RNF130: variants seen among roughly 807,000 people sequenced by gnomAD.
RNF130 encodes E3 ubiquitin-protein ligase RNF130.
Under a neutral mutation model 44.6 loss-of-function variants are expected in RNF130, and 21 were observed. The observed-to-expected ratio is 0.47, with a 90% CI of 0.33 to 0.68. The LOEUF is 0.68. Among genes scored for constraint, RNF130 ranks in the 30% least tolerant of loss-of-function variants. The probability of loss-of-function intolerance (pLI) is 0.02; values close to 1 mark genes in which losing one functional copy is unlikely to be tolerated. For synonymous variants in RNF130, 214 were observed against 210.4 expected, an observed-to-expected ratio of 1.02 and a Z score of -0.15; for missense variants, 479 against 560.6, an observed-to-expected ratio of 0.85 and a Z score of 1.47.
At chr5:179,963,009 T>C (rs996613610) in intron 8 of RNF130, among the ~76,000 whole-genome samples, 4 of 152,240 alleles carry the variant, frequency 2.6e-5, no homozygotes, top group African/African-American at 4.8e-5. Flanking sequence ...TCAAACTGCT[T>C]CTTTCCTGCA....
intron 7 of RNF130, among the ~76,000 whole-genome samples, chr5:179,927,212 A>AT (rs1258260658): frequency 9.2e-5 from 14 of 152,224 alleles, no homozygotes; most frequent in African/African-American, 3.4e-4. Context: ...AAACAGAGGA[A>AT]TGCACAAGCA....
chr5:179,923,860 G>GTA (rs1330403297), intron 7 of RNF130, among the ~76,000 whole-genome samples: 1 of 152,094 alleles, frequency 6.6e-6, no homozygotes, highest in African/African-American at 2.4e-5. Context: ...CTTGATTACT[G>GTA]TAGCTTTACA....
At chr5:179,953,859 A>G (rs1762162450), downstream of RNF130, among the ~76,000 whole-genome samples, 1 of 152,228 alleles carries the variant, frequency 6.6e-6, no homozygotes, top group African/African-American at 2.4e-5. Context: ...CAAATGACCT[A>G]TCTGATAAAG....
intron 7 of RNF130, among the ~76,000 whole-genome samples, chr5:179,931,032 CAAAAAAAAA>C (rs34266288): frequency 1.3e-5 from 1 of 74,302 alleles, no homozygotes; most frequent in African/African-American, 5.4e-5. Context: ...ACCTCTGTCT[CAAAAAAAAA>C]AAAAAAAAAA....
chr5:180,018,696 T>G (rs1021868233), intron 2 of RNF130, among the ~76,000 whole-genome samples: 7 of 152,248 alleles, frequency 4.6e-5, no homozygotes, highest in Non-Finnish European at 1.0e-4. Context: ...GATTTTTGGA[T>G]GCCCATTCTC....
At chr5:179,924,137 G>C (rs1369520227) in intron 7 of RNF130, among the ~76,000 whole-genome samples, 3 of 152,042 alleles carry the variant, frequency 2.0e-5, no homozygotes, top group African/African-American at 7.2e-5. Flanking sequence ...TTGAGCCCGG[G>C]AGTTCAAGTC....
intron 3 of RNF130, among the ~76,000 whole-genome samples, chr5:179,982,865 T>A (rs1321414340): frequency 3.9e-5 from 6 of 152,246 alleles, no homozygotes; most frequent in Non-Finnish European, 2.9e-5. Context: ...ATTACAGGTG[T>A]GAGCCACGGC....
At chr5:179,934,932 T>C (rs1270132645) in intron 7 of RNF130, among the ~76,000 whole-genome samples, 1 of 152,228 alleles carries the variant, frequency 6.6e-6, no homozygotes, top group Non-Finnish European at 1.5e-5. Flanking sequence ...ATTTAGTTTG[T>C]TGTTCTTTGA....
At chr5:180,044,055 G>C (rs1285178003) in intron 1 of RNF130, among the ~76,000 whole-genome samples, 1 of 152,100 alleles carries the variant, frequency 6.6e-6, no homozygotes, top group Admixed American at 6.5e-5. Flanking sequence ...TAATTAAGTA[G>C]TATTACTCCA....
At chr5:180,055,489 T>C (rs1764798250) in intron 1 of RNF130, among the ~76,000 whole-genome samples, 1 of 151,964 alleles carries the variant, frequency 6.6e-6, no homozygotes, top group Non-Finnish European at 1.5e-5. Context: ...CACGCGTATG[T>C]GTCTGTGTGT....
At chr5:179,988,515 T>C (rs551429612) in intron 3 of RNF130, among the ~76,000 whole-genome samples, 1 of 152,352 alleles carries the variant, frequency 6.6e-6, no homozygotes, top group Admixed American at 6.5e-5. Context: ...ATATTTCTAA[T>C]TGTCTGATTT....
chr5:179,963,460 T>C lies in RNF130; in HGVS notation c.1244+11A>G, dbSNP rs753630722. On this transcript the variant is annotated intron_variant, in intron 8 of 8. Coordinates refer to ENST00000521389, the MANE Select transcript of RNF130 (RefSeq NM_018434.6). The stretch of plus-strand genomic sequence containing the variant: ...CTGGCACATGCAATCCAAAAACAAT[T>C]TGTTACTTACTCATTAGCATTCAAG... 1.2e-6 allele frequency: 2 copies of C among 1,606,918 alleles called. No homozygotes were observed. The highest frequency in any genetic ancestry group is 1.7e-6 in the Non-Finnish European group (2 of 1,174,090).
At chr5:180,061,535 C>A (rs1165637258) in intron 1 of RNF130, among the ~76,000 whole-genome samples, 1 of 152,176 alleles carries the variant, frequency 6.6e-6, no homozygotes, top group East Asian at 1.9e-4. Flanking sequence ...AAGGGAAAAA[C>A]CACCTCCAGC....
chr5:179,972,471 G>A (rs951683510), intron 5 of RNF130, among the ~76,000 whole-genome samples: 2 of 152,200 alleles, frequency 1.3e-5, no homozygotes, highest in Non-Finnish European at 2.9e-5. Context: ...GACATATGAT[G>A]CTGTGACCTC....
At chr5:180,026,460 G>A (rs879537838) in intron 2 of RNF130, among the ~76,000 whole-genome samples, 3 of 152,100 alleles carry the variant, frequency 2.0e-5, no homozygotes, top group East Asian at 1.9e-4. Context: ...CCACAGATCC[G>A]CTAACTACAT....
rs1026473109 is a variant in RNF130 at position 179,982,046 on chromosome 5, C to A, written c.694-1846G>T. Among the ~76,000 whole-genome samples, 4 of 152,028 alleles carry A rather than the reference C, an allele frequency of 2.6e-5. No homozygotes were observed. The East Asian group carries it at 7.7e-4, about 29-fold the overall frequency. On this transcript the variant is annotated intron_variant, in intron 3 of 8. Transcript: ENST00000521389. ...CCACATCCCCAAACTTCTTTGTGCC[C>A]CTTCCTAATTCCCTCCTCCCGCCAC... is the stretch of plus-strand genomic sequence containing the variant.
chr5:179,984,313 A>T (rs1056956999), intron 3 of RNF130, among the ~76,000 whole-genome samples: 1 of 152,172 alleles, frequency 6.6e-6, no homozygotes, highest in African/African-American at 2.4e-5. Flanking sequence ...CTAAAGAACA[A>T]CGCAGAAACA....
intron 2 of RNF130, chr5:180,015,387 A>G: frequency 1.9e-6 from 1 of 530,988 alleles, no homozygotes; most frequent in Non-Finnish European, 3.9e-6. Flanking sequence ...TTATAATCAC[A>G]CCAGGTACAA....
intron 2 of RNF130, among the ~76,000 whole-genome samples, chr5:180,013,865 T>C (rs1763653076): frequency 5.9e-5 from 9 of 152,178 alleles, no homozygotes; most frequent in Admixed American, 5.9e-4. Context: ...TACCAAGCTT[T>C]CTAATCTCAC....
Sources: allele counts gnomAD v4.1 joint callset (sites outside exome capture counted in the v4.1 genomes callset), GRCh38; gene constraint gnomAD v4.1.1; transcripts MANE v1.5; gene names NCBI Gene and HGNC (gene_info 2026-07-23, HGNC 2026-07-21).